VPS13B: variants seen among roughly 807,000 people sequenced by gnomAD.
VPS13B encodes the protein vacuolar protein sorting 13 homolog B.
In VPS13B, 285 loss-of-function variants were observed where a neutral mutation model predicts 426.4. That is an observed-to-expected ratio of 0.67 (90% CI 0.61 to 0.74). The LOEUF (loss-of-function observed/expected upper bound fraction) is 0.74, where lower values mean the gene tolerates loss of function less well. Ranked by LOEUF, VPS13B falls within the 30% of genes least tolerant of loss-of-function variation. VPS13B has a pLI of 0.00. For synonymous variants in VPS13B, 1,676 were observed against 1,676.4 expected, an observed-to-expected ratio of 1.00 and a Z score of 0.01; for missense variants, 4,537 against 4,782.6, an observed-to-expected ratio of 0.95 and a Z score of 1.51.
In VPS13B at chr8:99,875,554, C is replaced by T. The variant is rs765761643; in HGVS notation, c.11882C>T (p.Pro3961Leu). 4.3e-6 allele frequency: 7 copies of T among 1,614,144 alleles called. No individual in the cohort carries two copies. Among genetic ancestry groups the T allele is most frequent in the South Asian group, 3.3e-5 (3 of 91,074 alleles). Residue 3961 changes from proline to leucine, a missense_variant, in exon 62 of 62, where the codon CCC becomes CTC. By Grantham distance (98) the Pro-to-Leu change is moderately conservative (BLOSUM62 -3). Transcript: ENST00000357162. ...TGCCCTGTGGTGGCTGCAGAACCTCCCCCCTCCACTGTTAAAACATACCAT... is the reference window on the plus strand; with the variant it reads ...TGCCCTGTGGTGGCTGCAGAACCTCTCCCCTCCACTGTTAAAACATACCAT... ...IPCPVVAAEP[P>L]PSTVKTYHYL...
chr8:99,266,698 C>T (rs1045262892), intron 17 of VPS13B, among the ~76,000 whole-genome samples: 1 of 152,082 alleles, frequency 6.6e-6, no homozygotes, highest in African/African-American at 2.4e-5. Flanking sequence ...TGGTTACCTT[C>T]ATGCTGTTCT....
In VPS13B at chr8:99,065,760, T is replaced by C. The variant is rs187439165; in HGVS notation, c.291+27194T>C. 8.8e-3 allele frequency among the ~76,000 whole-genome samples: 1,334 copies of C among 152,316 alleles called. 22 individuals carry two copies. Among genetic ancestry groups the C allele is most frequent in the African/African-American group, 0.029 (1,207 of 41,570 alleles). On this transcript the variant is annotated intron_variant, in intron 3 of 61. Coordinates refer to ENST00000357162, the MANE Select transcript of VPS13B (RefSeq NM_152564.5). The stretch of plus-strand genomic sequence containing the variant: ...ATGATTGTATATTTAGAAAACCCCA[T>C]TGTCTCAGCCCAAAATCTCCTTAAG...
intron 12 of VPS13B, among the ~76,000 whole-genome samples, chr8:99,142,557 A>T (rs1411041079): frequency 1.3e-5 from 2 of 152,212 alleles, no homozygotes; most frequent in Admixed American, 1.3e-4. Flanking sequence ...GCACCCTGTG[A>T]TCATGTTACT....
intron 36 of VPS13B, among the ~76,000 whole-genome samples, chr8:99,709,482 A>T (rs570419844): frequency 6.6e-6 from 1 of 152,316 alleles, no homozygotes; most frequent in African/African-American, 2.4e-5. Context: ...TTTATACTCA[A>T]TGAAAAGTAT....
chr8:99,434,348 A>G (rs1321726279), intron 22 of VPS13B, among the ~76,000 whole-genome samples: 1 of 152,192 alleles, frequency 6.6e-6, no homozygotes, highest in Non-Finnish European at 1.5e-5. Flanking sequence ...TGTGGATGAA[A>G]ACACAGATGG....
chr8:99,546,918 A>G (rs1170048736), intron 30 of VPS13B, among the ~76,000 whole-genome samples: 1 of 152,110 alleles, frequency 6.6e-6, no homozygotes, highest in African/African-American at 2.4e-5. Flanking sequence ...TTTACTTTTC[A>G]TAAATATTTT....
chr8:99,252,201 G>A (rs967158356), intron 17 of VPS13B, among the ~76,000 whole-genome samples: 1 of 151,808 alleles, frequency 6.6e-6, no homozygotes, highest in African/African-American at 2.4e-5. Flanking sequence ...TGCACATTCG[G>A]TGCTATAAAT....
At chr8:99,263,378 C>T (rs1818148826) in intron 17 of VPS13B, among the ~76,000 whole-genome samples, 1 of 152,138 alleles carries the variant, frequency 6.6e-6, no homozygotes. Flanking sequence ...TCTATTGCTG[C>T]TCTAACAAAT....
intron 19 of VPS13B, among the ~76,000 whole-genome samples, chr8:99,343,133 C>T (rs1377064334): frequency 2.0e-5 from 3 of 149,156 alleles, no homozygotes; most frequent in Admixed American, 6.7e-5. Context: ...CTCGCTCTGT[C>T]GCCAGGCTGG....
chr8:99,046,932 G>A (rs2132249689), intron 3 of VPS13B, among the ~76,000 whole-genome samples: 1 of 152,248 alleles, frequency 6.6e-6, no homozygotes, highest in Admixed American at 6.5e-5. Context: ...CAGTTAGCTA[G>A]TATTTTGTTA....
Position 99,720,511 on chromosome 8 carries a change from A to G in VPS13B, c.6824A>G (p.Asp2275Gly). The G allele has an allele frequency of 6.2e-7, 1 of 1,614,050 alleles. No homozygotes were observed. Among genetic ancestry groups the G allele is most frequent in the Non-Finnish European group, 8.5e-7 (1 of 1,179,924 alleles). ...NQTFKSEQSS[D>G]DLRTGLFQYV... ...ACATTTAAAAGTGAACAAAGTTCAG[A>G]TGACCTACGGACAGGTCTATTTCAG... is the stretch of plus-strand genomic sequence containing the variant. Residue 2275 changes from aspartate (D) to glycine (G), a missense_variant, in exon 38 of 62, where the codon GAT (aspartate) becomes GGT (glycine). Asp to Gly is a moderately conservative substitution (Grantham distance 94, BLOSUM62 -1). Coordinates refer to ENST00000357162, the MANE Select transcript of VPS13B (RefSeq NM_152564.5).
intron 29 of VPS13B, 46 bp downstream of exon 29, chr8:99,511,558 C>A: frequency 6.3e-7 from 1 of 1,578,512 alleles, no homozygotes; most frequent in Non-Finnish European, 8.6e-7. Flanking sequence ...TAATTTTCTT[C>A]TAGAGACCTT....
chr8:99,302,391 C>A (rs915609474), intron 19 of VPS13B, among the ~76,000 whole-genome samples: 1 of 152,164 alleles, frequency 6.6e-6, no homozygotes, highest in African/African-American at 2.4e-5. Flanking sequence ...CTTGGCTTAG[C>A]CTACCTTAAA....
In VPS13B at chr8:99,721,015, A is replaced by T; in HGVS notation, c.7018A>T (p.Ile2340Phe). The change falls in exon 39 of 62, where the codon ATT becomes TTT. Residue 2340 changes from isoleucine (I) to phenylalanine (F), a missense_variant. By Grantham distance (21) the Ile-to-Phe change is conservative (BLOSUM62 0). Coordinates refer to ENST00000357162, the MANE Select transcript of VPS13B (RefSeq NM_152564.5). ...VPFNTTEDPD[I>F]STADLGDVLQ... ...TTTTAACACCACAGAGGATCCAGAT[A>T]TTAGCACAGCAGACCTTGGTGATGT... 6.2e-7 allele frequency: 1 copy of T among 1,614,046 alleles called. No individual in the cohort carries two copies. Among genetic ancestry groups the T allele is most frequent in the Non-Finnish European group, 8.5e-7 (1 of 1,179,926 alleles).
chr8:99,029,064 G>A (rs1842346655), intron 2 of VPS13B, among the ~76,000 whole-genome samples: 1 of 150,708 alleles, frequency 6.6e-6, no homozygotes, highest in African/African-American at 2.4e-5. Context: ...TCTCAGACGG[G>A]GCGGCCGGGC....
intron 8 of VPS13B, among the ~76,000 whole-genome samples, chr8:99,124,386 T>C (rs1848089414): frequency 6.6e-6 from 1 of 152,132 alleles, no homozygotes; most frequent in South Asian, 2.1e-4. Context: ...AAACGTAGAA[T>C]TACCATATAA....
chr8:99,049,968 C>A (rs1843438266), intron 3 of VPS13B, among the ~76,000 whole-genome samples: 1 of 151,022 alleles, frequency 6.6e-6, no homozygotes, highest in Non-Finnish European at 1.5e-5. Flanking sequence ...GTTGCTGAGA[C>A]TTTCTGGAGC....
At chr8:99,319,757 G>A (rs779218493) in intron 19 of VPS13B, among the ~76,000 whole-genome samples, 3 of 152,078 alleles carry the variant, frequency 2.0e-5, no homozygotes, top group African/African-American at 4.8e-5. Context: ...TCTACTTACC[G>A]CCTTCTTACT....
intron 2 of VPS13B, among the ~76,000 whole-genome samples, chr8:99,033,514 T>A (rs1842612813): frequency 6.6e-6 from 1 of 152,240 alleles, no homozygotes; most frequent in African/African-American, 2.4e-5. Flanking sequence ...TACTTTCAAC[T>A]CCAAAATTTT....
Sources: gnomAD v4.1 joint callset for allele counts (sites outside exome capture counted in the v4.1 genomes callset) on GRCh38, gnomAD v4.1.1 for gene constraint, MANE v1.5 for transcripts, NCBI Gene and HGNC (gene_info 2026-07-23, HGNC 2026-07-21) for gene names.